MPP7: variants seen among roughly 807,000 people sequenced by gnomAD.
MPP7 encodes MAGUK p55 scaffold protein 7, also known as MAGUK p55 subfamily member 7.
A neutral mutation model predicts 76.5 loss-of-function variants in MPP7; 60 were observed. The observed-to-expected ratio is 0.78, with a 90% CI of 0.64 to 0.97. The LOEUF is 0.97. MPP7 is among the 50% of genes least tolerant of loss of function. The pLI is 0.00. For missense variants in MPP7, 641 were observed against 694.0 expected (o/e 0.92, Z 0.86); for synonymous variants, 237 against 244.5 (o/e 0.97, Z 0.29).
At chr10:28,239,684 A>G (rs1258135594) in intron 1 of MPP7, among the ~76,000 whole-genome samples, 1 of 152,186 alleles carries the variant, frequency 6.6e-6, no homozygotes, top group Non-Finnish European at 1.5e-5. Context: ...TTTTTTTTCA[A>G]TAACTATCTT....
intron 2 of MPP7, among the ~76,000 whole-genome samples, chr10:28,312,333 T>C (rs1460707334): frequency 1.3e-5 from 2 of 152,140 alleles, no homozygotes; most frequent in Non-Finnish European, 2.9e-5. Context: ...AGAGTGCTGA[T>C]TGGTGTGTTT....
At chr10:28,100,845 C>A (rs1853788926) in intron 11 of MPP7, among the ~76,000 whole-genome samples, 1 of 152,180 alleles carries the variant, frequency 6.6e-6, no homozygotes, top group African/African-American at 2.4e-5. Flanking sequence ...CCTGATACCA[C>A]TTACAATTCG....
chr10:28,094,936 C>G (rs1228304766), intron 11 of MPP7, among the ~76,000 whole-genome samples: 1 of 152,004 alleles, frequency 6.6e-6, no homozygotes, highest in Admixed American at 6.6e-5. Flanking sequence ...GCCTGGGCAA[C>G]AGAGCAAGAC....
intron 11 of MPP7, among the ~76,000 whole-genome samples, chr10:28,109,872 A>AAAAAAC (rs1834449046): frequency 6.8e-6 from 1 of 147,954 alleles, no homozygotes; most frequent in South Asian, 2.1e-4. Context: ...AAAAAAAAAA[A>AAAAAAC]ACACTTAAAA....
At chr10:28,290,629 C>A (rs934677514) in intron 1 of MPP7, among the ~76,000 whole-genome samples, 6 of 152,156 alleles carry the variant, frequency 3.9e-5, no homozygotes, top group African/African-American at 1.4e-4. Flanking sequence ...CATGCCACCA[C>A]AACCAGTTAA....
At chr10:28,217,829 C>A (rs1057411596) in intron 2 of MPP7, among the ~76,000 whole-genome samples, 6 of 152,074 alleles carry the variant, frequency 3.9e-5, no homozygotes, top group African/African-American at 1.4e-4. Flanking sequence ...AATAGAGAAC[C>A]GTCTTTTCAT....
intron 2 of MPP7, among the ~76,000 whole-genome samples, chr10:28,209,006 C>T (rs1838040979): frequency 6.6e-6 from 1 of 152,014 alleles, no homozygotes; most frequent in Non-Finnish European, 1.5e-5. Flanking sequence ...GCACCTCCCC[C>T]CACTCACTTC....
chr10:28,104,745 T>C (rs990128518), intron 11 of MPP7, among the ~76,000 whole-genome samples: 1 of 152,194 alleles, frequency 6.6e-6, no homozygotes, highest in Admixed American at 6.5e-5. Context: ...GAAGGATGTA[T>C]TCTTTTTAAA....
At chr10:28,269,673 C>T (rs1486039853) in intron 1 of MPP7, among the ~76,000 whole-genome samples, 4 of 151,670 alleles carry the variant, frequency 2.6e-5, no homozygotes, top group South Asian at 2.1e-4. Context: ...ACTAGAGGCA[C>T]GCACCACCAC....
At chr10:28,259,709 T>C (rs1418549767) in intron 1 of MPP7, among the ~76,000 whole-genome samples, 2 of 152,108 alleles carry the variant, frequency 1.3e-5, no homozygotes, top group Admixed American at 6.6e-5. Context: ...GCAGGTGCAG[T>C]GGCTCATGCC....
intron 11 of MPP7, among the ~76,000 whole-genome samples, chr10:28,105,779 G>A (rs1834303822): frequency 1.3e-5 from 2 of 152,118 alleles, no homozygotes; most frequent in Non-Finnish European, 2.9e-5. Flanking sequence ...AAGTGCAAGT[G>A]CTGGGATTAC....
chr10:28,293,242 G>C (rs79758502), intron 1 of MPP7, among the ~76,000 whole-genome samples: 1,572 of 152,188 alleles, frequency 0.01, 30 homozygotes, highest in East Asian at 0.071. Flanking sequence ...AACAGAAAAA[G>C]AGGCAAAGGA....
Position 28,252,868 on chromosome 10 carries a change from TTC to T in MPP7, c.-131-14135_-131-14134del, listed in dbSNP as rs1839658121. 2.6e-5 allele frequency among the ~76,000 whole-genome samples: 4 copies of T among 152,172 alleles called. No individual in the cohort carries two copies. In the South Asian group the frequency reaches 8.3e-4, roughly 32 times the overall value. On this transcript the variant is annotated intron_variant, in intron 1 of 16. Coordinates refer to ENST00000683449, the MANE Select transcript of MPP7 (RefSeq NM_001318170.2). The stretch of plus-strand genomic sequence containing the variant: ...CCACTCCTTAACAGCTGCAAGTTTA[TTC>T]TCTGTGTCCTAGAAAGGGTCTTTTC...
chr10:28,277,885 A>G (rs113005655), intron 1 of MPP7, among the ~76,000 whole-genome samples: 1,650 of 152,156 alleles, frequency 0.011, 39 homozygotes, highest in African/African-American at 0.038. Flanking sequence ...TCTTAGATAC[A>G]AAAAGAATAA....
intron 1 of MPP7, among the ~76,000 whole-genome samples, chr10:28,332,666 GC>G (rs1285539170): frequency 6.6e-6 from 1 of 151,850 alleles, no homozygotes; most frequent in African/African-American, 2.4e-5. Flanking sequence ...GTTATTATTT[GC>G]CCCCCATTTT....
intron 3 of MPP7, among the ~76,000 whole-genome samples, chr10:28,169,015 A>T (rs1367909500): frequency 6.6e-6 from 1 of 152,140 alleles, no homozygotes; most frequent in East Asian, 1.9e-4. Context: ...AGTCTGTAAC[A>T]AGGAGTTCTT....
chr10:28,323,732 G>GA (rs1834387362), intron 2 of MPP7, among the ~76,000 whole-genome samples: 1 of 151,998 alleles, frequency 6.6e-6, no homozygotes, highest in Non-Finnish European at 1.5e-5. Flanking sequence ...AAAGAGTCAT[G>GA]AAATGACTGG....
rs184009640 is a variant in MPP7, at chr10:28,194,159, C to T, written c.156+7994G>A. Among the ~76,000 whole-genome samples, 283 of 152,274 alleles carry T rather than the reference C, an allele frequency of 1.9e-3. 1 individual carries two copies. Among genetic ancestry groups the T allele is most frequent in the African/African-American group, 6.4e-3 (268 of 41,564 alleles). On this transcript the variant is annotated intron_variant, in intron 3 of 16. Transcript: ENST00000683449. ...CTTCTCAAGTAGCTGGGACTACAGG[C>T]GCGTGCCACCACACCTGGCTAGTTT...
intron 12 of MPP7, among the ~76,000 whole-genome samples, chr10:28,077,002 G>A (rs527803524): frequency 6.6e-6 from 1 of 150,980 alleles, no homozygotes; most frequent in South Asian, 2.1e-4. Flanking sequence ...CAGCTCCGGA[G>A]TGACTGCTAG....
Sources: gnomAD v4.1 joint callset for allele counts (sites outside exome capture counted in the v4.1 genomes callset) on GRCh38, gnomAD v4.1.1 for gene constraint, MANE v1.5 for transcripts, NCBI Gene and HGNC (gene_info 2026-07-23, HGNC 2026-07-21) for gene names.